CDH4: variants seen among roughly 807,000 people sequenced by gnomAD.
CDH4 encodes cadherin 4, also known as cadherin-4.
Under a neutral mutation model 86.0 loss-of-function variants are expected in CDH4, and 33 were observed. The observed-to-expected ratio is 0.38, with a 90% CI of 0.29 to 0.51. CDH4 has a LOEUF of 0.51. Among genes scored for constraint, CDH4 ranks in the 20% least tolerant of loss-of-function variants. CDH4 has a pLI of 0.86. For missense variants in CDH4, 1,114 were observed against 1,307.4 expected (o/e 0.85, Z 2.28); for synonymous variants, 555 against 549.4 (o/e 1.01, Z -0.14).
At chr20:61,799,201 T>G (rs1005011746) in intron 4 of CDH4, among the ~76,000 whole-genome samples, 3 of 152,154 alleles carry the variant, frequency 2.0e-5, no homozygotes, top group Non-Finnish European at 4.4e-5. Context: ...TCTTACTACC[T>G]CTATGAGGAA....
rs141832887 is a variant in CDH4, at chr20:61,407,839, G to A, written c.169+152902G>A. 4.1e-3 allele frequency among the ~76,000 whole-genome samples: 630 copies of A among 152,264 alleles called. 10 individuals carry two copies. The highest frequency in any genetic ancestry group is 0.015 in the African/African-American group (603 of 41,556). ...GTCATGTCATTACATTACATGGAGC[G>A]AAGGAAGCCAGGCACAAGGGGAGAC... On this transcript the variant is annotated intron_variant, in intron 2 of 15. Coordinates refer to ENST00000614565, the MANE Select transcript of CDH4 (RefSeq NM_001794.5).
At position 61,733,266 on chromosome 20, in the gene CDH4, T is replaced by A. The variant is rs552582696; in HGVS notation, c.170-10297T>A. On this transcript the variant is annotated intron_variant, in intron 2 of 15. Transcript: ENST00000614565. ...AGCAAGTTCCGGGCAGTGGCAGCCA[T>A]TTACATGCCCAGGGGTCTGCAGTTG... 5.9e-5 allele frequency among the ~76,000 whole-genome samples: 9 copies of A among 152,198 alleles called. No homozygotes were observed. The East Asian group carries it at 1.7e-3, about 29-fold the overall frequency.
rs116317842 is a variant in CDH4 at position 61,800,229 on chromosome 20, G to A, written c.576+27047G>A. 6.6e-3 allele frequency among the ~76,000 whole-genome samples: 1,009 copies of A among 152,328 alleles called. 14 individuals are homozygous for A. Among genetic ancestry groups the A allele is most frequent in the African/African-American group, 0.023 (969 of 41,574 alleles). The stretch of plus-strand genomic sequence containing the variant: ...GCTGCAAAGCCCCGAAGACCAGACC[G>A]CACTCCCTCGAGTGCACACACGGTG... On this transcript the variant is annotated intron_variant, in intron 4 of 15. Coordinates refer to ENST00000614565, the MANE Select transcript of CDH4 (RefSeq NM_001794.5).
At chr20:61,563,697 C>T (rs1039774070) in intron 2 of CDH4, among the ~76,000 whole-genome samples, 7 of 152,214 alleles carry the variant, frequency 4.6e-5, no homozygotes, top group African/African-American at 1.7e-4. Flanking sequence ...AGCTCCCTTC[C>T]AGCTGAAGTG....
chr20:61,424,108 ACACACATAG>A (rs1247048828), intron 2 of CDH4, among the ~76,000 whole-genome samples: 1 of 151,090 alleles, frequency 6.6e-6, no homozygotes, highest in Non-Finnish European at 1.5e-5. Flanking sequence ...ACACACATAT[ACACACATAG>A]CACACATGTA....
At chr20:61,530,982 C>T (rs887168487) in intron 2 of CDH4, among the ~76,000 whole-genome samples, 1 of 151,816 alleles carries the variant, frequency 6.6e-6, no homozygotes, top group African/African-American at 2.4e-5. Flanking sequence ...CATCTCTAGG[C>T]CCCCAGATGG....
chr20:61,349,542 C>T (rs1447675050), intron 2 of CDH4, among the ~76,000 whole-genome samples: 2 of 152,208 alleles, frequency 1.3e-5, no homozygotes, highest in African/African-American at 4.8e-5. Flanking sequence ...CAGACGAGGC[C>T]GGGAGCTGGG....
At position 61,879,169 on chromosome 20, in the gene CDH4, C is replaced by T. The variant is rs1396659162; in HGVS notation, c.1050+5269C>T. The stretch of plus-strand genomic sequence containing the variant: ...CAAGCGAGCACCAGTTCAGCTCCCC[C>T]GGGACCCGGCCTTCACCCAGCAGAG... On this transcript the variant is annotated intron_variant, in intron 7 of 15. Transcript: ENST00000614565. This position sits in a 1 kb window ranked among gnomAD's most constrained non-coding sequence, Gnocchi z 4.1. 1.3e-5 allele frequency among the ~76,000 whole-genome samples: 2 copies of T among 152,204 alleles called. No homozygotes were observed. Among genetic ancestry groups the T allele is most frequent in the African/African-American group, 2.4e-5 (1 of 41,464 alleles).
chr20:61,622,062 T>G (rs1455094989), intron 2 of CDH4, among the ~76,000 whole-genome samples: 1 of 152,338 alleles, frequency 6.6e-6, no homozygotes, highest in East Asian at 1.9e-4. Flanking sequence ...ACGGCAGGCC[T>G]CCTATTAGGA....
At chr20:61,476,151 A>T (rs1379833210) in intron 2 of CDH4, among the ~76,000 whole-genome samples, 7 of 152,244 alleles carry the variant, frequency 4.6e-5, no homozygotes, top group Non-Finnish European at 7.3e-5. Flanking sequence ...TTGAAAATCA[A>T]CCACATCATT....
intron 2 of CDH4, among the ~76,000 whole-genome samples, chr20:61,358,218 G>A (rs577836203): frequency 6.6e-6 from 1 of 152,300 alleles, no homozygotes; most frequent in East Asian, 1.9e-4. Flanking sequence ...GTTGGTTTAG[G>A]ATGAGGAGTG....
At chr20:61,353,241 C>T (rs2123304139) in intron 2 of CDH4, among the ~76,000 whole-genome samples, 1 of 150,700 alleles carries the variant, frequency 6.6e-6, no homozygotes, top group South Asian at 2.1e-4. Flanking sequence ...TGGGAGGGGT[C>T]TCAAGGTTGT....
chr20:61,620,313 TA>T (rs1268470746), intron 2 of CDH4, among the ~76,000 whole-genome samples: 1 of 149,584 alleles, frequency 6.7e-6, no homozygotes, highest in Non-Finnish European at 1.5e-5. Flanking sequence ...GGTAGATAGG[TA>T]GGTAGATGGA....
intron 2 of CDH4, among the ~76,000 whole-genome samples, chr20:61,574,164 G>A (rs1192460890): frequency 6.6e-6 from 1 of 152,240 alleles, no homozygotes; most frequent in Non-Finnish European, 1.5e-5. Flanking sequence ...GACCACAAAG[G>A]TGCCTTCCCT....
chr20:61,899,923 C>A (rs1430672312), intron 8 of CDH4, among the ~76,000 whole-genome samples: 1 of 152,230 alleles, frequency 6.6e-6, no homozygotes, highest in African/African-American at 2.4e-5. Context: ...GGCAGGGTGT[C>A]AGCTGAACTT....
chr20:61,267,540 A>G, intron 2 of CDH4, among the ~76,000 whole-genome samples: 1 of 152,234 alleles, frequency 6.6e-6, no homozygotes. Flanking sequence ...TTTATATTGT[A>G]AAGCATGACA....
At chr20:61,739,938 C>T (rs1041329315) in intron 2 of CDH4, among the ~76,000 whole-genome samples, 6 of 152,214 alleles carry the variant, frequency 3.9e-5, no homozygotes, top group Admixed American at 6.5e-5. Context: ...CAGGCAACAC[C>T]GTCAGGAGCG....
At chr20:61,817,891 G>A (rs937116241) in intron 4 of CDH4, among the ~76,000 whole-genome samples, 13 of 152,248 alleles carry the variant, frequency 8.5e-5, no homozygotes, top group Non-Finnish European at 8.8e-5. Context: ...CTGAGCAGCA[G>A]CAGGACACAC....
chr20:61,875,030 C>G (rs1026146038), intron 7 of CDH4, among the ~76,000 whole-genome samples: 2 of 152,216 alleles, frequency 1.3e-5, no homozygotes, highest in African/African-American at 2.4e-5. Context: ...GGCTGCCAAC[C>G]TGTCACCGGG....
Sources: allele counts gnomAD v4.1 joint callset (sites outside exome capture counted in the v4.1 genomes callset), GRCh38; gene constraint gnomAD v4.1.1; non-coding constraint Gnocchi (gnomAD v3.1); transcripts MANE v1.5; gene names NCBI Gene and HGNC (gene_info 2026-07-23, HGNC 2026-07-21).